Variants in CORO7 observed in about 807,000 individuals in gnomAD.
CORO7 encodes coronin-7.
Under a neutral mutation model 126.6 loss-of-function variants are expected in CORO7, and 107 were observed. The ratio of observed to expected loss-of-function variants is 0.85; its 90% confidence interval spans 0.72 to 0.99. The LOEUF is 0.99. CORO7 is among the 50% of genes least tolerant of loss of function. The pLI is 0.00. For synonymous variants in CORO7, 603 were observed against 536.8 expected, an observed-to-expected ratio of 1.12 and a Z score of -1.70; for missense variants, 1,314 against 1,255.8, an observed-to-expected ratio of 1.05 and a Z score of -0.70.
intron 6 of CORO7, among the ~76,000 whole-genome samples, chr16:4,398,486 T>C (rs2055681680): frequency 6.6e-6 from 1 of 151,502 alleles, no homozygotes. Flanking sequence ...GCCAACATGG[T>C]GAAACCCCGT....
intron 9 of CORO7, chr16:4,382,512 G>C (rs563669327): frequency 1.0e-4 from 165 of 1,592,204 alleles, no homozygotes; most frequent in Admixed American, 8.1e-4. Context: ...GGGTGCCGGA[G>C]GGCGAGGAGG....
At chr16:4,395,534 C>A (rs1371336030) in intron 6 of CORO7, among the ~76,000 whole-genome samples, 195 bp from the exon 7 acceptor site, 1 of 152,172 alleles carries the variant, frequency 6.6e-6, no homozygotes, top group Non-Finnish European at 1.5e-5. Context: ...CCACCCAGTC[C>A]CCCAGGTTTC....
At position 4,359,047 on chromosome 16, in the gene CORO7, G is replaced by T. The variant is rs1282326568; in HGVS notation, c.2340+249C>A. ...CTGCCTCAGCCTTCCGAAGTGTTGG[G>T]ATTCCAGGCCACCGTACCCGGCCTA... On this transcript the variant is annotated intron_variant, in intron 23 of 27. Transcript: ENST00000251166. 1.8e-4 allele frequency: 98 copies of T among 552,056 alleles called. No individual in the cohort carries two copies. In the East Asian group the frequency reaches 3.2e-3, roughly 18 times the overall value. 34.2% of individuals were successfully genotyped at this position (552,056 alleles called of 1,614,324 possible). A position where few individuals can be genotyped will look rare whatever the true frequency, so the allele number is the denominator to read the frequency against.
At chr16:4,374,945 G>C (rs941743671) in intron 9 of CORO7, among the ~76,000 whole-genome samples, 1 of 152,120 alleles carries the variant, frequency 6.6e-6, no homozygotes, top group Non-Finnish European at 1.5e-5. Context: ...CCTGGGTGGG[G>C]ACAGGGCAGT....
At chr16:4,369,764 G>T (rs529673754) in intron 9 of CORO7, among the ~76,000 whole-genome samples, 1 of 152,064 alleles carries the variant, frequency 6.6e-6, no homozygotes, top group Admixed American at 6.6e-5. Flanking sequence ...CTGCCATTGC[G>T]CCAGTTCAAA....
intron 6 of CORO7, among the ~76,000 whole-genome samples, chr16:4,404,471 G>C (rs1033069797): frequency 1.3e-5 from 2 of 152,162 alleles, no homozygotes; most frequent in Non-Finnish European, 2.9e-5. Context: ...TATGTGGTCA[G>C]CAAATCAAAC....
At position 4,364,696 on chromosome 16, in the gene CORO7, G is replaced by A. The variant is rs1326553623; in HGVS notation, c.1045-7C>T. The A allele has an allele frequency of 1.6e-5, 25 of 1,583,648 alleles. No homozygotes were observed. The highest frequency in any genetic ancestry group is 2.1e-5 in the Non-Finnish European group (25 of 1,165,596). On this transcript the variant is annotated splice_polypyrimidine_tract_variant and splice_region_variant and intron_variant, in intron 12 of 27. Transcript: ENST00000251166. The stretch of plus-strand genomic sequence containing the variant: ...CCTCGTGGAACTCCACAGCCTGGCC[G>A]CAGACAAGCAGGCAGCTAGTGAGGC...
chr16:4,401,272 G>A (rs907004711), intron 6 of CORO7, among the ~76,000 whole-genome samples: 4 of 152,236 alleles, frequency 2.6e-5, no homozygotes, highest in Non-Finnish European at 5.9e-5. Flanking sequence ...GTGGCGTTGG[G>A]GGAGGAGAGG....
At chr16:4,402,840 C>T (rs1041821769) in intron 6 of CORO7, among the ~76,000 whole-genome samples, 4 of 152,180 alleles carry the variant, frequency 2.6e-5, no homozygotes, top group Non-Finnish European at 5.9e-5. Flanking sequence ...GAGGAGAGCG[C>T]GCCCCCTAGC....
Position 4,358,468 on chromosome 16 carries a change from G to A in CORO7, c.2356C>T (p.Pro786Ser), listed in dbSNP as rs766063631. 1 of 1,602,146 alleles carries A rather than the reference G, an allele frequency of 6.2e-7. No homozygotes were observed. The highest frequency in any genetic ancestry group is 8.5e-7 in the Non-Finnish European group (1 of 1,172,788). The change falls in exon 24 of 28, where the codon CCT becomes TCT. Residue 786 changes from proline to serine, a missense_variant. Pro to Ser is a moderately conservative substitution (Grantham distance 74). Coordinates refer to ENST00000251166, the MANE Select transcript of CORO7 (RefSeq NM_024535.5). ...PDPHKGLVLL[P>S]KTECDVREVE... ...TCCCGCACGTCGCACTCCGTCTTAG[G>A]CAGGAGGACGAGGCCCTGGGGGAGC...
chr16:4,388,429 G>T, intron 8 of CORO7, 116 bp downstream of exon 8: 1 of 1,169,558 alleles, frequency 8.6e-7, no homozygotes, highest in South Asian at 1.4e-5. Context: ...GGCCGTATAT[G>T]GACAGGCCTG....
At position 4,355,295 on chromosome 16, in the gene CORO7, C is replaced by T. The variant is rs2053939777; in HGVS notation, c.2763G>A (p.Glu921=). The stretch of plus-strand genomic sequence containing the variant: ...GCCACTCACTACTCACCCACTCGTC[C>T]TCGTCCACGCCTTCAAAGGAGTCCT... ...LPQDSFEGVD[E]DEWD is the part of the protein sequence containing the mutation. Residue 921 remains glutamate, a synonymous_variant, in exon 27 of 28, where the codon GAG becomes GAA. Coordinates refer to ENST00000251166, the MANE Select transcript of CORO7 (RefSeq NM_024535.5). 6.2e-7 allele frequency: 1 copy of T among 1,613,470 alleles called. No homozygotes were observed. Among genetic ancestry groups the T allele is most frequent in the African/African-American group, 1.3e-5 (1 of 75,020 alleles).
rs377413644 is a variant in CORO7, at chr16:4,404,140, C to T, written c.564+1351G>A. Among the ~76,000 whole-genome samples, 15 of 152,326 alleles carry T rather than the reference C, an allele frequency of 9.8e-5. 1 individual carries two copies. The South Asian group carries it at 1.7e-3, about 17-fold the overall frequency. On this transcript the variant is annotated intron_variant, in intron 6 of 27. Coordinates refer to ENST00000251166, the MANE Select transcript of CORO7 (RefSeq NM_024535.5). The stretch of plus-strand genomic sequence containing the variant: ...ACAGAAAAGAAAGTTAGACTAGGGT[C>T]CCTCCAAGTATGCAGAGCCCTGGGG...
In CORO7 at chr16:4,361,460, G is replaced by A; in HGVS notation, c.1588C>T (p.Pro530Ser). The A allele has an allele frequency of 1.2e-6, 2 of 1,611,646 alleles. No individual in the cohort carries two copies. Among genetic ancestry groups the A allele is most frequent in the Non-Finnish European group, 1.7e-6 (2 of 1,179,748 alleles). ...AGTGCCGTGTCGGGCAGGCGGCCAG[G>A]CTTCCGTAGCTGTGGGAGGTGCCCC... ...GQVAVLELRK[P>S]GRLPDTALPT... The change falls in exon 17 of 28, where the codon CCT becomes TCT. Residue 530 changes from proline (P) to serine (S), a missense_variant. Pro to Ser is a moderately conservative substitution (Grantham distance 74, BLOSUM62 -1). Coordinates refer to ENST00000251166, the MANE Select transcript of CORO7 (RefSeq NM_024535.5).
At chr16:4,385,064 G>A (rs2055146959) in intron 9 of CORO7, among the ~76,000 whole-genome samples, 1 of 152,140 alleles carries the variant, frequency 6.6e-6, no homozygotes, top group Non-Finnish European at 1.5e-5. Context: ...GGGAAGGGGA[G>A]AACCCAGCCA....
At chr16:4,365,308 C>T (rs955420903) in intron 10 of CORO7, among the ~76,000 whole-genome samples, 183 bp downstream of exon 10, 7 of 152,186 alleles carry the variant, frequency 4.6e-5, no homozygotes, top group African/African-American at 1.7e-4. Context: ...TGACTGTGTG[C>T]TGACACTGCT....
chr16:4,383,334 CA>C (rs1023933310), intron 9 of CORO7: 8 of 192,764 alleles, frequency 4.2e-5, no homozygotes, highest in South Asian at 2.0e-4. Flanking sequence ...AGCGAAGGAA[CA>C]AAAGAAACTG....
chr16:4,412,788 G>C (rs2056263088), intron 2 of CORO7: 1 of 322,224 alleles, frequency 3.1e-6, no homozygotes, highest in Non-Finnish European at 5.8e-6. Context: ...AGAGCTGAGA[G>C]ACCCAGAGAG....
At chr16:4,370,785 G>A (rs2054495618) in intron 9 of CORO7, among the ~76,000 whole-genome samples, 1 of 148,552 alleles carries the variant, frequency 6.7e-6, no homozygotes, top group African/African-American at 2.4e-5. Flanking sequence ...TCCAGCTGGT[G>A]TGGCCCAGCC....
Sources: allele counts gnomAD v4.1 joint callset (sites outside exome capture counted in the v4.1 genomes callset), GRCh38; gene constraint gnomAD v4.1.1; transcripts MANE v1.5; gene names NCBI Gene and HGNC (gene_info 2026-07-23, HGNC 2026-07-21).